The following PMEPA1 variants were observed in gnomAD, a reference collection of about 807,000 sequenced individuals.
PMEPA1 encodes protein TMEPAI.
In PMEPA1, 11 loss-of-function variants were observed where a neutral mutation model predicts 23.0. That is an observed-to-expected ratio of 0.48 (90% CI 0.30 to 0.79). The LOEUF is 0.79. Ranked by LOEUF, PMEPA1 falls within the 30% of genes least tolerant of loss-of-function variation. PMEPA1 has a pLI of 0.06. For missense variants in PMEPA1, 377 were observed against 390.9 expected (o/e 0.96, Z 0.30); for synonymous variants, 204 against 166.4 (o/e 1.23, Z -1.74).
At chr20:57,695,246 A>T (rs2071930384) in intron 1 of PMEPA1, among the ~76,000 whole-genome samples, 1 of 152,244 alleles carries the variant, frequency 6.6e-6, no homozygotes, top group Admixed American at 6.5e-5. Flanking sequence ...TCTGGGCTGG[A>T]GCCCAGCGGG....
intron 1 of PMEPA1, among the ~76,000 whole-genome samples, chr20:57,705,656 G>C (rs988127441): frequency 1.3e-5 from 2 of 152,208 alleles, no homozygotes; most frequent in Admixed American, 1.3e-4. Flanking sequence ...GCCTTCACAG[G>C]GACGAACGTC....
Position 57,650,413 on chromosome 20 carries a change from G to T in PMEPA1, c.*1640C>A, listed in dbSNP as rs1211031482. On this transcript the variant is annotated 3_prime_UTR_variant, in exon 4 of 4. Coordinates refer to ENST00000341744, the MANE Select transcript of PMEPA1 (RefSeq NM_020182.5). Reference sequence around the variant, plus strand: ...CAAGCTCCAGCCACTGGCCCCGGTGGGTCCCAAAGCCCCACCCCTCATGCT... The same window carrying T: ...CAAGCTCCAGCCACTGGCCCCGGTGTGTCCCAAAGCCCCACCCCTCATGCT... 3 of 152,158 alleles carry T rather than the reference G, an allele frequency of 2.0e-5. No homozygotes were observed. The highest frequency in any genetic ancestry group is 4.4e-5 in the Non-Finnish European group (3 of 68,038). 9.4% of individuals were successfully genotyped at this position (152,158 alleles called of 1,614,324 possible). A position where few individuals can be genotyped will look rare whatever the true frequency, so the allele number is the denominator to read the frequency against.
chr20:57,654,350 T>C (rs1344174375), intron 2 of PMEPA1, among the ~76,000 whole-genome samples: 1 of 152,158 alleles, frequency 6.6e-6, no homozygotes, highest in Non-Finnish European at 1.5e-5. Context: ...GTCCATCACC[T>C]CAAACGTTCC....
At chr20:57,710,295 A>C, upstream of PMEPA1, 1 of 734,158 alleles carries the variant, frequency 1.4e-6, no homozygotes, top group Admixed American at 3.9e-5. Flanking sequence ...ACTCGGTGCC[A>C]GCCGCACCCG....
At chr20:57,661,355 GGCAGAGTGGGCACCA>G (rs1568965255) in intron 1 of PMEPA1, among the ~76,000 whole-genome samples, 2 of 152,194 alleles carry the variant, frequency 1.3e-5, no homozygotes, top group Non-Finnish European at 2.9e-5. Context: ...GAGTTGACAC[GGCAGAGTGGGCACCA>G]GCCGGCAGCG....
chr20:57,661,768 G>A lies in PMEPA1; in HGVS notation c.110-2071C>T, dbSNP rs144532734. Among the ~76,000 whole-genome samples, 1,436 of 152,336 alleles carry A rather than the reference G, an allele frequency of 9.4e-3. 15 individuals carry two copies. Among genetic ancestry groups the A allele is most frequent in the African/African-American group, 0.028 (1,154 of 41,570 alleles). On this transcript the variant is annotated intron_variant, in intron 1 of 3. Transcript: ENST00000341744. ...ACCAGCCTCGCTCTCCCCAAGGCAG[G>A]AAAGCAGCCCATCCTAGGTGGGAAT... is the stretch of plus-strand genomic sequence containing the variant.
At chr20:57,657,248 C>G (rs1348056736) in intron 2 of PMEPA1, among the ~76,000 whole-genome samples, 3 of 152,200 alleles carry the variant, frequency 2.0e-5, no homozygotes, top group Non-Finnish European at 4.4e-5. Context: ...CACACTGAGG[C>G]TCCGAGGGGC....
In PMEPA1 at chr20:57,659,623, G is replaced by C. The variant is rs749713555; in HGVS notation, c.184C>G (p.Leu62Val). 9 of 1,612,674 alleles carry C rather than the reference G, an allele frequency of 5.6e-6. 1 individual carries two copies. The Middle Eastern group carries it at 5.0e-4, about 89-fold the overall frequency. The change falls in exon 2 of 4, where the codon CTG becomes GTG. Residue 62 changes from leucine (L) to valine (V), a missense_variant. Leu to Val is a conservative substitution (Grantham distance 32). Coordinates refer to ENST00000341744, the MANE Select transcript of PMEPA1 (RefSeq NM_020182.5). ...CGTGCAGACAGCTTGTAGTGGCTCAGCAGGCACGTGATCACCACCACCATC... is the reference window on the plus strand; with the variant it reads ...CGTGCAGACAGCTTGTAGTGGCTCACCAGGCACGTGATCACCACCACCATC... Reference protein sequence around the residue: ...MVMVVVITCLLSHYKLSARSF... With the variant: ...MVMVVVITCLVSHYKLSARSF...
At chr20:57,672,753 G>A (rs2071586837) in intron 1 of PMEPA1, among the ~76,000 whole-genome samples, 1 of 152,188 alleles carries the variant, frequency 6.6e-6, no homozygotes, top group South Asian at 2.1e-4. Flanking sequence ...CGGGCTCCCA[G>A]GAGTCGAATC....
intron 1 of PMEPA1, among the ~76,000 whole-genome samples, chr20:57,686,728 C>G (rs2071806011): frequency 6.6e-6 from 1 of 152,256 alleles, no homozygotes; most frequent in Non-Finnish European, 1.5e-5. Flanking sequence ...GATGGAGTGA[C>G]CAGAAGTACC....
At chr20:57,677,025 C>A (rs915305422) in intron 1 of PMEPA1, among the ~76,000 whole-genome samples, 1 of 152,264 alleles carries the variant, frequency 6.6e-6, no homozygotes, top group Non-Finnish European at 1.5e-5. Context: ...GCTCACCATG[C>A]GCCAGCCAGC....
At chr20:57,686,126 C>T (rs2071797847) in intron 1 of PMEPA1, among the ~76,000 whole-genome samples, 1 of 152,174 alleles carries the variant, frequency 6.6e-6, no homozygotes, top group South Asian at 2.1e-4. Context: ...CTCCCAGAGC[C>T]TCAACACAAG....
Position 57,657,572 on chromosome 20 carries a change from C to T in PMEPA1, c.264+1971G>A, listed in dbSNP as rs539284227. 2.0e-5 allele frequency among the ~76,000 whole-genome samples: 3 copies of T among 152,346 alleles called. No individual in the cohort carries two copies. In the South Asian group the frequency reaches 6.2e-4, roughly 32 times the overall value. The stretch of plus-strand genomic sequence containing the variant: ...TGAGAGCAGCAGGTCTGCAGCACGC[C>T]CTCCGGACAGCGTGCTGGGACGCAC... On this transcript the variant is annotated intron_variant, in intron 2 of 3. Transcript: ENST00000341744.
At chr20:57,708,665 C>T (rs1301994430) in intron 1 of PMEPA1, among the ~76,000 whole-genome samples, 1 of 152,114 alleles carries the variant, frequency 6.6e-6, no homozygotes, top group Non-Finnish European at 1.5e-5. Flanking sequence ...TTTATAGGTG[C>T]GTCGGGGACA....
chr20:57,709,219 C>A (rs2146721744), intron 1 of PMEPA1, among the ~76,000 whole-genome samples: 1 of 151,148 alleles, frequency 6.6e-6, no homozygotes, highest in South Asian at 2.1e-4. Context: ...CGCTGAGCCC[C>A]GGGTCCGAGT....
chr20:57,667,250 G>T (rs1170250609), intron 1 of PMEPA1, among the ~76,000 whole-genome samples: 3 of 152,158 alleles, frequency 2.0e-5, no homozygotes, highest in Admixed American at 6.5e-5. Context: ...GTTCTTGGGG[G>T]CAGAGCCTGG....
intron 1 of PMEPA1, among the ~76,000 whole-genome samples, chr20:57,670,912 C>G (rs2071559286): frequency 1.3e-5 from 2 of 152,164 alleles, no homozygotes; most frequent in African/African-American, 4.8e-5. Flanking sequence ...CCACCGCCCC[C>G]CCAACCCCCA....
At position 57,653,207 on chromosome 20, in the gene PMEPA1, C is replaced by G; in HGVS notation, c.265-121G>C. ...AATCAGCTCTTGAACCCGCCCACCT[C>G]TCTGCATCGGAACCAGCTTCCCCAG... On this transcript the variant is annotated intron_variant, in intron 2 of 3. Transcript: ENST00000341744. 4 of 815,758 alleles carry G rather than the reference C, an allele frequency of 4.9e-6. 1 individual carries two copies. Among genetic ancestry groups the G allele is most frequent in the South Asian group, 4.5e-5 (3 of 67,068 alleles). The allele number at this position is 815,758 out of a possible 1,614,324, so 50.5% of individuals were successfully genotyped here.
At chr20:57,676,454 T>C (rs1297724129) in intron 1 of PMEPA1, among the ~76,000 whole-genome samples, 1 of 152,220 alleles carries the variant, frequency 6.6e-6, no homozygotes, top group African/African-American at 2.4e-5. Context: ...GCATGGTGAA[T>C]GCGTCAAGGA....
Sources: gnomAD v4.1 joint callset for allele counts (sites outside exome capture counted in the v4.1 genomes callset) on GRCh38, gnomAD v4.1.1 for gene constraint, MANE v1.5 for transcripts, NCBI Gene and HGNC (gene_info 2026-07-23, HGNC 2026-07-21) for gene names.